WDR64: variants seen among roughly 807,000 people sequenced by gnomAD.
WDR64 encodes the protein WD repeat-containing protein 64.
In WDR64, 112 loss-of-function variants were observed where a neutral mutation model predicts 139.3. That is an observed-to-expected ratio of 0.80 (90% CI 0.69 to 0.94). The LOEUF (loss-of-function observed/expected upper bound fraction) is 0.94. WDR64 is among the 40% of genes least tolerant of loss of function. The pLI is 0.00. For missense variants in WDR64, 1,206 were observed against 1,293.1 expected (o/e 0.93, Z 1.03); for synonymous variants, 444 against 437.7 (o/e 1.01, Z -0.18).
chr1:241,723,296 G>A lies in WDR64; in HGVS notation c.1055-1G>A, dbSNP rs762826801. 1.2e-5 allele frequency: 20 copies of A among 1,613,298 alleles called. No individual in the cohort carries two copies. The highest frequency in any genetic ancestry group is 1.7e-5 in the Non-Finnish European group (20 of 1,179,736). On this transcript the variant is annotated splice_acceptor_variant, in intron 9 of 27. Transcript: ENST00000437684. LOFTEE classifies it high-confidence loss of function. ...CAATCTTTCCCTGTCCTCCTTTTCAGGAGATGATAAGGTCATCCGGTTGTG... is the reference window on the plus strand; with the variant it reads ...CAATCTTTCCCTGTCCTCCTTTTCAAGAGATGATAAGGTCATCCGGTTGTG...
In WDR64 at chr1:241,766,357, T is replaced by A; in HGVS notation, c.2081+6T>A. ...ACGTCTACTGTCAAAAAAGTGTAAG[T>A]TGTGTATTATCCTTAAACAATGTAA... On this transcript the variant is annotated splice_donor_region_variant and intron_variant, in intron 16 of 27. Transcript: ENST00000437684. 1.2e-6 allele frequency: 2 copies of A among 1,613,304 alleles called. No homozygotes were observed. Among genetic ancestry groups the A allele is most frequent in the South Asian group, 2.2e-5 (2 of 91,008 alleles).
rs1658170201 is a variant in WDR64 at position 241,766,339 on chromosome 1, C to G, written c.2069C>G (p.Thr690Ser). ...ATCTTATGGAATTTTGTGACGTCTA[C>G]TGTCAAAAAAGTGTAAGTTGTGTAT... is the stretch of plus-strand genomic sequence containing the variant. ...VIILWNFVTS[T>S]VKKVYRPEDC... The change falls in exon 16 of 28, where the codon ACT becomes AGT. Residue 690 changes from threonine (T) to serine (S), a missense_variant. Coordinates refer to ENST00000437684, the MANE Select transcript of WDR64 (RefSeq NM_001367482.1). 2 of 1,613,638 alleles carry G rather than the reference C, an allele frequency of 1.2e-6. No homozygotes were observed. Among genetic ancestry groups the G allele is most frequent in the African/African-American group, 2.7e-5 (2 of 74,884 alleles).
At chr1:241,746,511 A>G (rs916988843) in intron 13 of WDR64, among the ~76,000 whole-genome samples, 2 of 149,950 alleles carry the variant, frequency 1.3e-5, no homozygotes, top group South Asian at 2.1e-4. Flanking sequence ...AATACCATAG[A>G]GTGGGTGGTG....
Position 241,683,520 on chromosome 1 carries a change from T to G in WDR64, c.658T>G (p.Cys220Gly), listed in dbSNP as rs1490250215. 1.3e-6 allele frequency: 2 copies of G among 1,551,810 alleles called. No homozygotes were observed. The highest frequency in any genetic ancestry group is 2.4e-5 in the East Asian group (1 of 40,918). ...NYFVIKPMDH[C>G]LLCVCVVPLP... ...TTTTGTCATAAAACCAATGGATCACTGCCTCCTGTGTGTGTGTGTGGTGCC... is the reference window on the plus strand; with the variant it reads ...TTTTGTCATAAAACCAATGGATCACGGCCTCCTGTGTGTGTGTGTGGTGCC... Residue 220 changes from cysteine (C) to glycine (G), a missense_variant, in exon 7 of 28, where the codon TGC (cysteine) becomes GGC (glycine). Physicochemically the swap from Cys to Gly is radical, Grantham distance 159 (BLOSUM62 -3). Coordinates refer to ENST00000437684, the MANE Select transcript of WDR64 (RefSeq NM_001367482.1).
intron 8 of WDR64, among the ~76,000 whole-genome samples, chr1:241,693,580 C>A (rs879675147): frequency 4.6e-5 from 7 of 152,102 alleles, no homozygotes; most frequent in Non-Finnish European, 5.9e-5. Flanking sequence ...ATTATTATAA[C>A]CAATGTAGCA....
intron 8 of WDR64, among the ~76,000 whole-genome samples, chr1:241,701,893 G>C (rs986474569): frequency 6.6e-6 from 1 of 152,096 alleles, no homozygotes; most frequent in East Asian, 1.9e-4. Flanking sequence ...ATCTTAAGTT[G>C]AGCCAGATAA....
chr1:241,723,944 A>G (rs1668706469), intron 10 of WDR64, among the ~76,000 whole-genome samples: 2 of 151,978 alleles, frequency 1.3e-5, no homozygotes, highest in African/African-American at 4.8e-5. Flanking sequence ...GCAACCTAAA[A>G]ATAAGATAAA....
At chr1:241,759,471 T>TC (rs563880684) in intron 15 of WDR64, among the ~76,000 whole-genome samples, 59 of 152,326 alleles carry the variant, frequency 3.9e-4, no homozygotes, top group Admixed American at 2.3e-3. Flanking sequence ...TCTATTGTAT[T>TC]CCTGTCCTTT....
chr1:241,678,401 G>A (rs1258981988), intron 5 of WDR64, among the ~76,000 whole-genome samples, 185 bp downstream of exon 5: 2 of 152,164 alleles, frequency 1.3e-5, no homozygotes, highest in Non-Finnish European at 2.9e-5. Flanking sequence ...GAGGACCCAG[G>A]TCTTGCTTTC....
At chr1:241,655,157 G>A (rs1035246087) in intron 1 of WDR64, among the ~76,000 whole-genome samples, 1 of 152,130 alleles carries the variant, frequency 6.6e-6, no homozygotes, top group South Asian at 2.1e-4. Flanking sequence ...GGCCAAGGTG[G>A]GCGGATCACG....
intron 15 of WDR64, among the ~76,000 whole-genome samples, chr1:241,763,041 T>C (rs1306786418): frequency 6.6e-6 from 1 of 152,182 alleles, no homozygotes; most frequent in Non-Finnish European, 1.5e-5. Flanking sequence ...ACAAAATGCA[T>C]GTCCTCGTAG....
intron 6 of WDR64, among the ~76,000 whole-genome samples, chr1:241,680,593 T>C (rs2148102355): frequency 6.6e-6 from 1 of 152,280 alleles, no homozygotes; most frequent in Non-Finnish European, 1.5e-5. Context: ...CGTCAACTCT[T>C]CTCTTCTTCC....
chr1:241,657,885 G>A lies in WDR64; in HGVS notation c.146-2645G>A, dbSNP rs1665671888. The stretch of plus-strand genomic sequence containing the variant: ...TAGCCACCATCCAGATCAAGACAGG[G>A]AACATTTCTAGCATCCCAGAAAGTT... On this transcript the variant is annotated intron_variant, in intron 1 of 27. Transcript: ENST00000437684. Among the ~76,000 whole-genome samples, 3 of 152,126 alleles carry A rather than the reference G, an allele frequency of 2.0e-5. No homozygotes were observed. In the South Asian group the frequency reaches 6.2e-4, roughly 31 times the overall value.
chr1:241,665,055 G>A (rs1266676664), intron 2 of WDR64, among the ~76,000 whole-genome samples: 6 of 152,070 alleles, frequency 3.9e-5, no homozygotes, highest in Non-Finnish European at 2.9e-5. Context: ...AGGAGAAGGA[G>A]AAGGAGAGAG....
chr1:241,718,043 A>C (rs890591469), intron 9 of WDR64, among the ~76,000 whole-genome samples: 1 of 152,230 alleles, frequency 6.6e-6, no homozygotes, highest in Non-Finnish European at 1.5e-5. Flanking sequence ...ACTCAAAGTC[A>C]TAAAGCTAGT....
At chr1:241,683,809 A>T in intron 7 of WDR64, 108 bp downstream of exon 7, 7 of 952,064 alleles carry the variant, frequency 7.4e-6, no homozygotes, top group Non-Finnish European at 9.1e-6. Flanking sequence ...GAAAATAAGA[A>T]ATTAAGACAA....
At chr1:241,720,773 T>C (rs2148194647) in intron 9 of WDR64, among the ~76,000 whole-genome samples, 1 of 152,336 alleles carries the variant, frequency 6.6e-6, no homozygotes, top group Non-Finnish European at 1.5e-5. Context: ...GATGATAGTT[T>C]CTTTTGCTGT....
intron 25 of WDR64, among the ~76,000 whole-genome samples, chr1:241,794,753 C>T (rs913747089): frequency 1.3e-5 from 2 of 151,930 alleles, no homozygotes; most frequent in Non-Finnish European, 2.9e-5. Context: ...GTGATCTGCC[C>T]GCCTCGGCCT....
chr1:241,698,183 T>C (rs966924462), intron 8 of WDR64, among the ~76,000 whole-genome samples: 2 of 152,148 alleles, frequency 1.3e-5, no homozygotes, highest in African/African-American at 2.4e-5. Context: ...TTAAAATATA[T>C]ACCTTCTATA....
Sources: allele counts gnomAD v4.1 joint callset (sites outside exome capture counted in the v4.1 genomes callset), GRCh38; gene constraint gnomAD v4.1.1; transcripts MANE v1.5; gene names NCBI Gene and HGNC (gene_info 2026-07-23, HGNC 2026-07-21).